Variants in LCP1 observed in about 807,000 individuals in gnomAD.
The protein encoded by LCP1 is plastin-2.
In LCP1, 23 loss-of-function variants were observed where a neutral mutation model predicts 72.0. That is an observed-to-expected ratio of 0.32 (90% confidence interval 0.23 to 0.45). LCP1 has a LOEUF of 0.45. Among genes scored for constraint, LCP1 ranks in the 20% least tolerant of loss-of-function variants. LCP1 has a pLI of 1.00. For synonymous variants in LCP1, 245 were observed against 275.4 expected (o/e 0.89, Z 1.09); for missense variants, 571 against 748.3 (o/e 0.76, Z 2.76).
Position 46,159,705 on chromosome 13 carries a change from T to C in LCP1, c.-24-19A>G, listed in dbSNP as rs1593957957. The C allele has an allele frequency of 2.7e-6, 4 of 1,458,014 alleles. No homozygotes were observed. The highest frequency in any genetic ancestry group is 1.4e-5 in the African/African-American group (1 of 71,546). The allele number at this position is 1,458,014 out of a possible 1,614,324, so 90.3% of individuals were successfully genotyped here. ...AACAGATCTGGAGAGAAGAAGAACA[T>C]AAGGGATAACTTTTGTGCATTTGAA... On this transcript the variant is annotated intron_variant, in intron 1 of 15. Coordinates refer to ENST00000323076, the MANE Select transcript of LCP1 (RefSeq NM_002298.5).
intron 13 of LCP1, among the ~76,000 whole-genome samples, chr13:46,137,208 A>AT (rs1262211481): frequency 2.6e-5 from 3 of 117,630 alleles, no homozygotes; most frequent in Admixed American, 8.5e-5. Context: ...AAGTAAAACG[A>AT]TAAAAAAAAA....
intron 13 of LCP1, among the ~76,000 whole-genome samples, chr13:46,139,871 A>G (rs181845391): frequency 3.9e-4 from 59 of 152,326 alleles, no homozygotes; most frequent in Non-Finnish European, 7.1e-4. Context: ...TATGAAAGGA[A>G]CTTCTGTTTC....
intron 9 of LCP1, among the ~76,000 whole-genome samples, 184 bp downstream of exon 9, chr13:46,148,168 G>A (rs1406726872): frequency 2.6e-5 from 4 of 152,174 alleles, no homozygotes; most frequent in Non-Finnish European, 1.5e-5. Context: ...CTTTAATGTT[G>A]TATTTCCAGA....
At chr13:46,146,034 C>T (rs568973086) in intron 10 of LCP1, among the ~76,000 whole-genome samples, 4 of 151,160 alleles carry the variant, frequency 2.6e-5, no homozygotes, top group Non-Finnish European at 5.9e-5. Flanking sequence ...ATATGCTGCA[C>T]CTCAAATGAT....
chr13:46,150,739 C>T (rs1189043144), intron 8 of LCP1, among the ~76,000 whole-genome samples, 197 bp downstream of exon 8: 1 of 152,174 alleles, frequency 6.6e-6, no homozygotes, highest in African/African-American at 2.4e-5. Context: ...TGCACTAGGA[C>T]TCTGGGCAGG....
In LCP1 at chr13:46,148,265, T is replaced by G. The variant is rs2045742413; in HGVS notation, c.978+87A>C. 8.8e-6 allele frequency: 8 copies of G among 909,828 alleles called. No individual in the cohort carries two copies. The South Asian group carries it at 1.2e-4, about 14-fold the overall frequency. The allele number at this position is 909,828 out of a possible 1,614,324, so 56.4% of individuals were successfully genotyped here. A position where few individuals can be genotyped will look rare whatever the true frequency, so the allele number is the denominator to read the frequency against. ...AGGCAGAAATGCCCAGTCATGGAAC[T>G]CCAGAATCAGGGCCACACAAGGTAA... On this transcript the variant is annotated intron_variant, in intron 9 of 15. Coordinates refer to ENST00000323076, the MANE Select transcript of LCP1 (RefSeq NM_002298.5).
intron 5 of LCP1, among the ~76,000 whole-genome samples, chr13:46,155,954 A>G (rs529790564): frequency 3.0e-4 from 45 of 152,348 alleles, no homozygotes; most frequent in African/African-American, 1.1e-3. Flanking sequence ...CCAAAAATAT[A>G]TAACCAGGAA....
intron 1 of LCP1, among the ~76,000 whole-genome samples, chr13:46,161,447 C>T (rs2045837803): frequency 6.6e-6 from 1 of 152,066 alleles, no homozygotes; most frequent in African/African-American, 2.4e-5. Context: ...CAGAAACTGT[C>T]GAGGGGTTAA....
intron 13 of LCP1, among the ~76,000 whole-genome samples, chr13:46,139,516 G>A (rs1662119271): frequency 6.6e-6 from 1 of 152,194 alleles, no homozygotes; most frequent in Non-Finnish European, 1.5e-5. Flanking sequence ...CAGACAGAAT[G>A]TAATGTGACA....
rs190574358 is a variant in LCP1, at chr13:46,127,479, T to A, written c.*112A>T. 7.3e-7 allele frequency: 1 copy of A among 1,362,826 alleles called. No individual in the cohort carries two copies. The highest frequency in any genetic ancestry group is 1.0e-6 in the Non-Finnish European group (1 of 994,786). 84.4% of individuals were successfully genotyped at this position (1,362,826 alleles called of 1,614,324 possible). A position where few individuals can be genotyped will look rare whatever the true frequency, so the allele number is the denominator to read the frequency against. ...CTGCACTAATATGTGCTTTTTGGAA[T>A]CTTATAGAGTGTCACCAAGTTGAAC... is the stretch of plus-strand genomic sequence containing the variant. On this transcript the variant is annotated 3_prime_UTR_variant, in exon 16 of 16. Coordinates refer to ENST00000323076, the MANE Select transcript of LCP1 (RefSeq NM_002298.5).
Position 46,126,651 on chromosome 13 carries a change from AGC to A in LCP1, c.*938_*939del, listed in dbSNP as rs1476229045. On this transcript the variant is annotated 3_prime_UTR_variant, in exon 16 of 16. Transcript: ENST00000323076. ...TTGCCTCCAAATGTTGACAGGTATT[AGC>A]CATACCACAGTAACTAGATCTAATG... The A allele has an allele frequency of 4.3e-6, 1 of 231,774 alleles. No individual in the cohort carries two copies. The highest frequency in any genetic ancestry group is 2.2e-5 in the African/African-American group (1 of 45,260). The allele number at this position is 231,774 out of a possible 1,614,324, so 14.4% of individuals were successfully genotyped here. A position where few individuals can be genotyped will look rare whatever the true frequency, so the allele number is the denominator to read the frequency against.
Position 46,159,665 on chromosome 13 carries a change from T to C in LCP1, c.-3A>G, listed in dbSNP as rs2045825743. 1 of 1,613,320 alleles carries C rather than the reference T, an allele frequency of 6.2e-7. No homozygotes were observed. The highest frequency in any genetic ancestry group is 1.3e-5 in the African/African-American group (1 of 74,910). ...TCGGACACTGATCCTCTGGCCATTT[T>C]TTATTGCTTTAGGTAACAGATCTGG... On this transcript the variant is annotated 5_prime_UTR_variant, in exon 2 of 16. Transcript: ENST00000323076.
chr13:46,153,084 G>A, intron 6 of LCP1, 139 bp from the exon 7 acceptor site: 1 of 800,820 alleles, frequency 1.2e-6, no homozygotes, highest in Non-Finnish European at 1.9e-6. Flanking sequence ...TTAACATTGA[G>A]AAAAAAACAG....
intron 1 of LCP1, among the ~76,000 whole-genome samples, chr13:46,167,897 T>C (rs542212530): frequency 6.6e-5 from 10 of 152,210 alleles, no homozygotes; most frequent in South Asian, 2.1e-4. Context: ...AAATAGTTAA[T>C]GCAATGAAAA....
intron 1 of LCP1, chr13:46,169,467 T>G (rs536045989): frequency 1.2e-4 from 18 of 152,390 alleles, no homozygotes; most frequent in African/African-American, 3.6e-4. Context: ...AAGAGACAGA[T>G]CTCACTATGT....
intron 1 of LCP1, among the ~76,000 whole-genome samples, chr13:46,177,537 G>T (rs2138289422): frequency 6.6e-6 from 1 of 152,258 alleles, no homozygotes; most frequent in South Asian, 2.1e-4. Flanking sequence ...CTACTCGGGA[G>T]GCTGAGGCAG....
At chr13:46,177,433 A>C (rs1566448148) in intron 1 of LCP1, among the ~76,000 whole-genome samples, 1 of 152,096 alleles carries the variant, frequency 6.6e-6, no homozygotes, top group Non-Finnish European at 1.5e-5. Flanking sequence ...CGAGGTCAGG[A>C]GATCGAGACC....
At chr13:46,175,789 G>C (rs1314805870) in intron 1 of LCP1, among the ~76,000 whole-genome samples, 1 of 152,186 alleles carries the variant, frequency 6.6e-6, no homozygotes, top group East Asian at 1.9e-4. Flanking sequence ...TGTTTATAAA[G>C]CATTAGAAAC....
At chr13:46,147,914 T>C (rs1419104107) in intron 9 of LCP1, among the ~76,000 whole-genome samples, 1 of 152,204 alleles carries the variant, frequency 6.6e-6, no homozygotes. Flanking sequence ...CATTTACTTT[T>C]ACTCTACTTC....
Sources: allele counts gnomAD v4.1 joint callset (sites outside exome capture counted in the v4.1 genomes callset), GRCh38; gene constraint gnomAD v4.1.1; transcripts MANE v1.5; gene names NCBI Gene and HGNC (gene_info 2026-07-23, HGNC 2026-07-21).